Variants in SLC8A1 observed in about 807,000 individuals in gnomAD.
The protein encoded by SLC8A1 is solute carrier family 8 member A1.
In SLC8A1, 18 loss-of-function variants were observed where a neutral mutation model predicts 68.3. The ratio of observed to expected loss-of-function variants is 0.26; its 90% CI spans 0.18 to 0.39. The LOEUF is 0.39. Among genes scored for constraint, SLC8A1 ranks in the 10% least tolerant of loss-of-function variants. The pLI is 1.00. For synonymous variants in SLC8A1, 475 were observed against 415.5 expected, an observed-to-expected ratio of 1.14 and a Z score of -1.74; for missense variants, 985 against 1,156.7, an observed-to-expected ratio of 0.85 and a Z score of 2.15.
intron 7 of SLC8A1, among the ~76,000 whole-genome samples, chr2:40,127,181 CATT>C (rs1445921309): frequency 1.3e-5 from 2 of 152,096 alleles, no homozygotes; most frequent in African/African-American, 4.8e-5. Context: ...TATTTCTTGT[CATT>C]AGTATTCCAC....
At chr2:40,431,327 GCAGGAC>G in intron 1 of SLC8A1, among the ~76,000 whole-genome samples, 1 of 152,168 alleles carries the variant, frequency 6.6e-6, no homozygotes, top group South Asian at 2.1e-4. Context: ...ACCAAAAAAT[GCAGGAC>G]CAATAATTCC....
Position 40,194,469 on chromosome 2 carries a change from A to ATGTGTGTG in SLC8A1, c.1809-16622_1809-16615dup, listed in dbSNP as rs543194094. Among the ~76,000 whole-genome samples, 813 of 137,420 alleles carry ATGTGTGTG rather than the reference A, an allele frequency of 5.9e-3. 8 individuals carry two copies. Among genetic ancestry groups the ATGTGTGTG allele is most frequent in the African/African-American group, 0.02 (733 of 36,960 alleles). 90.2% of individuals were successfully genotyped at this position (137,420 alleles called of 152,430 possible). ...AATGACTCAGGTTACTCAGTAAGCA[A>ATGTGTGTG]TGTGTGTGTGTGTGTGTGTGTGTGT... On this transcript the variant is annotated intron_variant, in intron 2 of 7. Transcript: ENST00000406785.
At chr2:40,167,865 T>C (rs1196210007) in intron 4 of SLC8A1, among the ~76,000 whole-genome samples, 1 of 152,192 alleles carries the variant, frequency 6.6e-6, no homozygotes, top group Non-Finnish European at 1.5e-5. Flanking sequence ...TAATTATCTT[T>C]ACATATAAAT....
At chr2:40,373,914 T>C (rs1678966295) in intron 2 of SLC8A1, among the ~76,000 whole-genome samples, 1 of 152,068 alleles carries the variant, frequency 6.6e-6, no homozygotes, top group Admixed American at 6.6e-5. Flanking sequence ...TCCAAACAAG[T>C]GTGCATAAAA....
intron 1 of SLC8A1, among the ~76,000 whole-genome samples, chr2:40,503,409 T>C (rs1029133730): frequency 1.3e-5 from 2 of 151,992 alleles, no homozygotes; most frequent in African/African-American, 2.4e-5. Flanking sequence ...AGTCACACAA[T>C]TACACTGGTG....
intron 1 of SLC8A1, among the ~76,000 whole-genome samples, chr2:40,461,277 A>ATATTTCG (rs1703325378): frequency 6.6e-6 from 1 of 152,096 alleles, no homozygotes; most frequent in African/African-American, 2.4e-5. Context: ...AGGATATTTC[A>ATATTTCG]CCACTGAGAT....
intron 6 of SLC8A1, among the ~76,000 whole-genome samples, chr2:40,149,151 A>G (rs749383091): frequency 2.6e-5 from 4 of 152,224 alleles, no homozygotes; most frequent in African/African-American, 4.8e-5. Flanking sequence ...CCTCAAGCCC[A>G]GGCTGAACCC....
In SLC8A1 at chr2:40,107,269, G is replaced by C. The variant is rs551301003; in HGVS notation, c.*7984C>G. On this transcript the variant is annotated 3_prime_UTR_variant, in exon 8 of 8. Coordinates refer to ENST00000406785, the Ensembl canonical transcript of SLC8A1. ...CACTCCAGCCTGGGCGACAGAGCGA[G>C]ACTCCGTCTCAAAAAAAAAAAAAAA... 3.4e-4 allele frequency: 5 copies of C among 14,884 alleles called. No homozygotes were observed. In the East Asian group the frequency reaches 3.6e-3, roughly 11 times the overall value. The allele number at this position is 14,884 out of a possible 1,614,324, so 0.9% of individuals were successfully genotyped here.
chr2:40,317,224 T>C (rs966812193), intron 2 of SLC8A1, among the ~76,000 whole-genome samples: 4 of 152,084 alleles, frequency 2.6e-5, no homozygotes, highest in South Asian at 2.1e-4. Context: ...CTTGTTCGAC[T>C]AACTCCTCTC....
intron 1 of SLC8A1, among the ~76,000 whole-genome samples, chr2:40,449,577 AG>A (rs1489702531): frequency 6.6e-6 from 1 of 152,228 alleles, no homozygotes; most frequent in Non-Finnish European, 1.5e-5. Context: ...TGGGAGTCAA[AG>A]CACTGTTACT....
At chr2:40,344,884 C>A (rs1436638114) in intron 2 of SLC8A1, among the ~76,000 whole-genome samples, 1 of 152,142 alleles carries the variant, frequency 6.6e-6, no homozygotes, top group African/African-American at 2.4e-5. Context: ...TCTCAGGGTA[C>A]ATATACTTCC....
intron 2 of SLC8A1, among the ~76,000 whole-genome samples, chr2:40,253,936 A>G (rs1265161629): frequency 6.6e-6 from 1 of 152,078 alleles, no homozygotes; most frequent in Non-Finnish European, 1.5e-5. Flanking sequence ...GCTAAAAAGA[A>G]TAAGTTCCAG....
At chr2:40,415,857 TATAC>T (rs1163593439) in intron 2 of SLC8A1, among the ~76,000 whole-genome samples, 8 of 101,794 alleles carry the variant, frequency 7.9e-5, no homozygotes, top group South Asian at 7.1e-4. Flanking sequence ...CTACTAAAAG[TATAC>T]ACACACACAC....
At chr2:40,178,517 C>T (rs377177267) in intron 2 of SLC8A1, 24 bp from the exon 3 acceptor site, 516 of 1,570,822 alleles carry the variant, frequency 3.3e-4, no homozygotes, top group Middle Eastern at 5.0e-4. Context: ...TAGAAATTGA[C>T]GAACAAGGGG....
chr2:40,262,943 G>A (rs555904606), intron 2 of SLC8A1, among the ~76,000 whole-genome samples: 117 of 152,344 alleles, frequency 7.7e-4, no homozygotes, highest in African/African-American at 2.7e-3. Context: ...AATCAGTACA[G>A]TAACAATGTC....
At chr2:40,358,830 A>C (rs942107001) in intron 2 of SLC8A1, among the ~76,000 whole-genome samples, 9 of 152,196 alleles carry the variant, frequency 5.9e-5, no homozygotes, top group African/African-American at 2.2e-4. Context: ...ACAATGACAC[A>C]CTGAAGCGTG....
intron 2 of SLC8A1, among the ~76,000 whole-genome samples, chr2:40,241,875 A>C (rs2061268070): frequency 1.1e-5 from 1 of 92,502 alleles, no homozygotes; most frequent in African/African-American, 2.7e-5. Flanking sequence ...AAAAATAGAT[A>C]TCAGTTTTTT....
intron 2 of SLC8A1, among the ~76,000 whole-genome samples, chr2:40,409,314 C>A (rs575240830): frequency 3.3e-5 from 5 of 152,178 alleles, no homozygotes; most frequent in African/African-American, 9.6e-5. Context: ...TACATTCAGG[C>A]TTCAGGAATA....
intron 1 of SLC8A1, among the ~76,000 whole-genome samples, chr2:40,434,383 C>T (rs529432065): frequency 1.1e-4 from 17 of 152,230 alleles, no homozygotes; most frequent in African/African-American, 3.6e-4. Flanking sequence ...CAAATGCCCA[C>T]GAAGATGTGG....
Sources: allele counts gnomAD v4.1 joint callset (sites outside exome capture counted in the v4.1 genomes callset), GRCh38; gene constraint gnomAD v4.1.1; transcripts MANE v1.5; gene names NCBI Gene and HGNC (gene_info 2026-07-23, HGNC 2026-07-21).